The following FAM47B variants were observed in gnomAD, a reference collection of about 807,000 sequenced individuals.
FAM47B encodes the protein protein FAM47B.
For missense variants in FAM47B, 581 were observed against 550.1 expected (o/e 1.06, Z -0.56); for synonymous variants, 247 against 215.8 (o/e 1.14, Z -1.27).
chrX:34,943,173 G>C lies in FAM47B; in HGVS notation c.342G>C (p.Arg114=). 8.3e-7 allele frequency: 1 copy of C among 1,211,611 alleles called. No homozygotes were observed. The highest frequency in any genetic ancestry group is 1.1e-6 in the Non-Finnish European group (1 of 895,449). ...AGCTCTCGCCAGTACAGCCAGCACG[G>C]AAGGCGTTCGTAGAGGAAGTGGAAG... ...FSELSPVQPA[R]KAFVEEVEAQ... Residue 114 remains arginine (R), a synonymous_variant, in exon 1 of 1, where the codon CGG becomes CGC. Coordinates refer to ENST00000329357, the MANE Select transcript of FAM47B (RefSeq NM_152631.3).
Position 34,943,943 on chromosome X carries a change from C to A in FAM47B, c.1112C>A (p.Thr371Asn), listed in dbSNP as rs1926832759. ...CGTTGTGAGGGCCAGGAGATGACAA[C>A]CGAGGAACTCACCAAGCCTGGTAAA... is the stretch of plus-strand genomic sequence containing the variant. Reference protein sequence around the residue: ...RARCEGQEMTTEELTKPGKYH... With the variant: ...RARCEGQEMTNEELTKPGKYH... Residue 371 changes from threonine (T) to asparagine (N), a missense_variant, in exon 1 of 1, where the codon ACC (threonine) becomes AAC (asparagine). By Grantham distance (65) the Thr-to-Asn change is moderately conservative. Coordinates refer to ENST00000329357, the MANE Select transcript of FAM47B (RefSeq NM_152631.3). 1 of 1,211,223 alleles carries A rather than the reference C, an allele frequency of 8.3e-7. No homozygotes were observed. The highest frequency in any genetic ancestry group is 1.7e-5 in the African/African-American group (1 of 57,541).
Position 34,944,673 on chromosome X carries a change from G to T in FAM47B, c.1842G>T (p.Lys614Asn). Residue 614 changes from lysine to asparagine, a missense_variant, in exon 1 of 1, where the codon AAG (lysine) becomes AAT (asparagine). Transcript: ENST00000329357. ...TCATTGAAAAGCTGTTTGCCAAGAA[G>T]GGATGGACTTACGACTCTGTTAAGA... ...PGVIEKLFAK[K>N]GWTYDSVKTP... 1 of 1,211,508 alleles carries T rather than the reference G, an allele frequency of 8.3e-7. No individual in the cohort carries two copies. The highest frequency in any genetic ancestry group is 1.1e-6 in the Non-Finnish European group (1 of 895,342).
In FAM47B at chrX:34,943,339, G is replaced by A. The variant is rs1309601689; in HGVS notation, c.508G>A (p.Glu170Lys). 3 of 1,208,813 alleles carry A rather than the reference G, an allele frequency of 2.5e-6. No individual in the cohort carries two copies. Reference sequence around the variant, plus strand: ...CGCTTGGGCTCGTTGTGAGGCCCGGGAGAAGACAACCGAGGTACCCACCGA... The same window carrying A: ...CGCTTGGGCTCGTTGTGAGGCCCGGAAGAAGACAACCGAGGTACCCACCGA... ...EDAWARCEAR[E>K]KTTEVPTESG... Residue 170 changes from glutamate to lysine, a missense_variant, in exon 1 of 1, where the codon GAG becomes AAG. Coordinates refer to ENST00000329357, the MANE Select transcript of FAM47B (RefSeq NM_152631.3).
rs781427149 is a variant in FAM47B at position 34,942,808 on chromosome X, G to C, written c.-24G>C. On this transcript the variant is annotated 5_prime_UTR_variant, in exon 1 of 1. Transcript: ENST00000329357. ...GATCTGGAACCTCAGAAGCTGGAGA[G>C]GTGGCACAACAGAGAGGGCCACCAT... 2.7e-5 allele frequency: 31 copies of C among 1,159,363 alleles called. No individual in the cohort carries two copies. Among genetic ancestry groups the C allele is most frequent in the Middle Eastern group, 2.4e-4 (1 of 4,127 alleles).
Position 34,943,555 on chromosome X carries a change from A to G in FAM47B, c.724A>G (p.Thr242Ala). ...CAGTCTCCACCCGGAACCTCCAGAG[A>G]CTCGCGCATCTCATCTCCGCGTGGA... is the stretch of plus-strand genomic sequence containing the variant. ...VSSLHPEPPE[T>A]RASHLRVDPP... The change falls in exon 1 of 1, where the codon ACT (threonine) becomes GCT (alanine). Residue 242 changes from threonine to alanine, a missense_variant. By Grantham distance (58) the Thr-to-Ala change is moderately conservative. Coordinates refer to ENST00000329357, the MANE Select transcript of FAM47B (RefSeq NM_152631.3). 5.8e-6 allele frequency: 7 copies of G among 1,206,899 alleles called. No individual in the cohort carries two copies. Among genetic ancestry groups the G allele is most frequent in the Non-Finnish European group, 7.8e-6 (7 of 894,154 alleles).
In FAM47B at chrX:34,943,369, G is replaced by A. The variant is rs867760695; in HGVS notation, c.538G>A (p.Gly180Ser). 20 of 1,208,789 alleles carry A rather than the reference G, an allele frequency of 1.7e-5. No individual in the cohort carries two copies. The highest frequency in any genetic ancestry group is 2.3e-4 in the Middle Eastern group (1 of 4,366). The change falls in exon 1 of 1, where the codon GGT (glycine) becomes AGT (serine). Residue 180 changes from glycine (G) to serine (S), a missense_variant. By Grantham distance (56) the Gly-to-Ser change is moderately conservative. Transcript: ENST00000329357. ...EKTTEVPTES[G>S]KYPCGESCPR... is the part of the protein sequence containing the mutation. ...GACAACCGAGGTACCCACCGAGTCT[G>A]GTAAATATCCCTGTGGGGAATCCTG...
chrX:34,943,754 G>A lies in FAM47B; in HGVS notation c.923G>A (p.Arg308His), dbSNP rs111279132. The A allele has an allele frequency of 1.0e-3, 1,232 of 1,205,081 alleles. 7 individuals are homozygous for A. The African/African-American group carries it at 0.02, about 19-fold the overall frequency. Residue 308 changes from arginine (R) to histidine (H), a missense_variant, in exon 1 of 1, where the codon CGC becomes CAC. Physicochemically the swap from Arg to His is conservative, Grantham distance 29. Transcript: ENST00000329357. The stretch of plus-strand genomic sequence containing the variant: ...CCTGAGACTGGAGTGTCCCATCTCC[G>A]CCCAGAGCCTTCCAAGACTCAGGTG... Reference protein sequence around the residue: ...EPPETGVSHLRPEPSKTQVSS... With the variant: ...EPPETGVSHLHPEPSKTQVSS...
At position 34,942,825 on chromosome X, in the gene FAM47B, G is replaced by A. The variant is rs766240290; in HGVS notation, c.-7G>A. On this transcript the variant is annotated 5_prime_UTR_variant, in exon 1 of 1. Transcript: ENST00000329357. The stretch of plus-strand genomic sequence containing the variant: ...GCTGGAGAGGTGGCACAACAGAGAG[G>A]GCCACCATGGGGGACCGGAGGCCAC... 97 of 1,183,454 alleles carry A rather than the reference G, an allele frequency of 8.2e-5. 1 individual carries two copies. The highest frequency in any genetic ancestry group is 7.6e-4 in the South Asian group (41 of 53,840).
rs756506886 is a variant in FAM47B at position 34,943,160 on chromosome X, T to C, written c.329T>C (p.Val110Ala). Residue 110 changes from valine (V) to alanine (A), a missense_variant, in exon 1 of 1, where the codon GTA becomes GCA. Physicochemically the swap from Val to Ala is moderately conservative, Grantham distance 64. Transcript: ENST00000329357. ...KAALFSELSP[V>A]QPARKAFVEE... ...GCCCTATTTTCCGAGCTCTCGCCAG[T>C]ACAGCCAGCACGGAAGGCGTTCGTA... 6.2e-5 allele frequency: 75 copies of C among 1,209,560 alleles called. No individual in the cohort carries two copies. The highest frequency in any genetic ancestry group is 1.5e-4 in the East Asian group (5 of 33,725).
Position 34,943,450 on chromosome X carries a change from C to T in FAM47B, c.619C>T (p.Pro207Ser). 1 of 1,210,726 alleles carries T rather than the reference C, an allele frequency of 8.3e-7. No individual in the cohort carries two copies. Among genetic ancestry groups the T allele is most frequent in the Non-Finnish European group, 1.1e-6 (1 of 895,155 alleles). ...TCTCCGTCCTCAGCTTCCCAAGACT[C>T]CGGTGTCCAGTCGCCGCCCAGAGCC... The part of the protein sequence containing the change: ...SRLRPQLPKT[P>S]VSSRRPEPPK... Residue 207 changes from proline (P) to serine (S), a missense_variant, in exon 1 of 1, where the codon CCG (proline) becomes TCG (serine). Physicochemically the swap from Pro to Ser is moderately conservative, Grantham distance 74. Coordinates refer to ENST00000329357, the MANE Select transcript of FAM47B (RefSeq NM_152631.3).
Position 34,944,524 on chromosome X carries a change from G to A in FAM47B, c.1693G>A (p.Glu565Lys), listed in dbSNP as rs201802516. 5.0e-6 allele frequency: 6 copies of A among 1,209,856 alleles called. No individual in the cohort carries two copies. In the African/African-American group the frequency reaches 1.0e-4, roughly 21 times the overall value. Residue 565 changes from glutamate to lysine, a missense_variant, in exon 1 of 1, where the codon GAA becomes AAA. Coordinates refer to ENST00000329357, the MANE Select transcript of FAM47B (RefSeq NM_152631.3). ...PKLGKKLRSD[E>K]PLIDPKPVLE... ...GTTGGGGAAAAAGCTAAGAAGTGAT[G>A]AACCTTTGATTGACCCCAAGCCCGT...
Position 34,943,176 on chromosome X carries a change from G to C in FAM47B, c.345G>C (p.Lys115Asn). ...SELSPVQPAR[K>N]AFVEEVEAQL... ...TCTCGCCAGTACAGCCAGCACGGAA[G>C]GCGTTCGTAGAGGAAGTGGAAGCCC... The change falls in exon 1 of 1, where the codon AAG becomes AAC. Residue 115 changes from lysine (K) to asparagine (N), a missense_variant. Physicochemically the swap from Lys to Asn is moderately conservative, Grantham distance 94. Transcript: ENST00000329357. 1 of 1,211,444 alleles carries C rather than the reference G, an allele frequency of 8.3e-7. No individual in the cohort carries two copies. The highest frequency in any genetic ancestry group is 2.2e-5 in the Admixed American group (1 of 46,011).
Position 34,944,690 on chromosome X carries a change from C to A in FAM47B, c.1859C>A (p.Ser620Tyr). 8.3e-7 allele frequency: 1 copy of A among 1,207,540 alleles called. No homozygotes were observed. Among genetic ancestry groups the A allele is most frequent in the Non-Finnish European group, 1.1e-6 (1 of 893,098 alleles). Residue 620 changes from serine (S) to tyrosine (Y), a missense_variant, in exon 1 of 1, where the codon TCT (serine) becomes TAT (tyrosine). Physicochemically the swap from Ser to Tyr is moderately radical, Grantham distance 144. Coordinates refer to ENST00000329357, the MANE Select transcript of FAM47B (RefSeq NM_152631.3). Reference protein sequence around the residue: ...LFAKKGWTYDSVKTPIQRAVQ... With the variant: ...LFAKKGWTYDYVKTPIQRAVQ... The stretch of plus-strand genomic sequence containing the variant: ...GCCAAGAAGGGATGGACTTACGACT[C>A]TGTTAAGACTCCTATTCAACGTGCA...
rs1207373151 is a variant in FAM47B at position 34,942,812 on chromosome X, G to A, written c.-20G>A. 1 of 1,166,626 alleles carries A rather than the reference G, an allele frequency of 8.6e-7. No individual in the cohort carries two copies. Among genetic ancestry groups the A allele is most frequent in the Non-Finnish European group, 1.1e-6 (1 of 871,641 alleles). On this transcript the variant is annotated 5_prime_UTR_variant, in exon 1 of 1. Transcript: ENST00000329357. ...TGGAACCTCAGAAGCTGGAGAGGTG[G>A]CACAACAGAGAGGGCCACCATGGGG...
rs1294961121 is a variant in FAM47B at position 34,943,168 on chromosome X, G to A, written c.337G>A (p.Ala113Thr). 5 of 1,209,801 alleles carry A rather than the reference G, an allele frequency of 4.1e-6. No individual in the cohort carries two copies. In the Admixed American group the frequency reaches 8.7e-5, roughly 21 times the overall value. The change falls in exon 1 of 1, where the codon GCA becomes ACA. Residue 113 changes from alanine to threonine, a missense_variant. By Grantham distance (58) the Ala-to-Thr change is moderately conservative. Transcript: ENST00000329357. Reference sequence around the variant, plus strand: ...TTCCGAGCTCTCGCCAGTACAGCCAGCACGGAAGGCGTTCGTAGAGGAAGT... The same window carrying A: ...TTCCGAGCTCTCGCCAGTACAGCCAACACGGAAGGCGTTCGTAGAGGAAGT... ...LFSELSPVQP[A>T]RKAFVEEVEA... is the part of the protein sequence containing the mutation.
Position 34,943,520 on chromosome X carries a change from C to A in FAM47B, c.689C>A (p.Thr230Asn). The stretch of plus-strand genomic sequence containing the variant: ...AGTCTCCGCCCAGAGCCTCCCAAGA[C>A]TCGGGTGTCCAGTCTCCACCCGGAA... The part of the protein sequence containing the change: ...VSSLRPEPPK[T>N]RVSSLHPEPP... Residue 230 changes from threonine (T) to asparagine (N), a missense_variant, in exon 1 of 1, where the codon ACT becomes AAT. Coordinates refer to ENST00000329357, the MANE Select transcript of FAM47B (RefSeq NM_152631.3). 8.3e-7 allele frequency: 1 copy of A among 1,210,971 alleles called. No homozygotes were observed. The highest frequency in any genetic ancestry group is 1.8e-5 in the South Asian group (1 of 56,866).
rs558565488 is a variant in FAM47B at position 34,943,061 on chromosome X, T to C, written c.230T>C (p.Leu77Ser). Residue 77 changes from leucine (L) to serine (S), a missense_variant, in exon 1 of 1, where the codon TTA becomes TCA. By Grantham distance (145) the Leu-to-Ser change is moderately radical (BLOSUM62 -2). Coordinates refer to ENST00000329357, the MANE Select transcript of FAM47B (RefSeq NM_152631.3). ...DTLVCRRDEFLLPKISLRGPQ... is the reference protein window; with the variant it reads ...DTLVCRRDEFSLPKISLRGPQ... ...CTTGTTTGTCGCCGTGACGAGTTTTTACTCCCCAAAATATCTCTCAGAGGT... is the reference window on the plus strand; with the variant it reads ...CTTGTTTGTCGCCGTGACGAGTTTTCACTCCCCAAAATATCTCTCAGAGGT... 2 of 1,211,927 alleles carry C rather than the reference T, an allele frequency of 1.7e-6. No individual in the cohort carries two copies. Among genetic ancestry groups the C allele is most frequent in the African/African-American group, 3.5e-5 (2 of 57,841 alleles).
rs1569204282 is a variant in FAM47B at position 34,943,532 on chromosome X, G to T, written c.701G>T (p.Ser234Ile). 1.7e-6 allele frequency: 2 copies of T among 1,206,220 alleles called. No individual in the cohort carries two copies. Among genetic ancestry groups the T allele is most frequent in the African/African-American group, 3.6e-5 (2 of 55,815 alleles). The change falls in exon 1 of 1, where the codon AGT becomes ATT. Residue 234 changes from serine to isoleucine, a missense_variant. Physicochemically the swap from Ser to Ile is moderately radical, Grantham distance 142. Coordinates refer to ENST00000329357, the MANE Select transcript of FAM47B (RefSeq NM_152631.3). Reference sequence around the variant, plus strand: ...GAGCCTCCCAAGACTCGGGTGTCCAGTCTCCACCCGGAACCTCCAGAGACT... The same window carrying T: ...GAGCCTCCCAAGACTCGGGTGTCCATTCTCCACCCGGAACCTCCAGAGACT... ...RPEPPKTRVS[S>I]LHPEPPETRA... is the part of the protein sequence containing the mutation.
At position 34,943,278 on chromosome X, in the gene FAM47B, G is replaced by A. The variant is rs1926806566; in HGVS notation, c.447G>A (p.Val149=). ...KDMPPDLLLQ[V]LKQLDPERKL... is the part of the protein sequence containing the mutation. Reference sequence around the variant, plus strand: ...TGCCTCCAGATCTCCTACTACAGGTGCTGAAACAGCTGGATCCCGAGAGGA... The same window carrying A: ...TGCCTCCAGATCTCCTACTACAGGTACTGAAACAGCTGGATCCCGAGAGGA... Residue 149 remains valine (V), a synonymous_variant, in exon 1 of 1, where the codon GTG becomes GTA. Coordinates refer to ENST00000329357, the MANE Select transcript of FAM47B (RefSeq NM_152631.3). 1.7e-6 allele frequency: 2 copies of A among 1,211,549 alleles called. No individual in the cohort carries two copies. Among genetic ancestry groups the A allele is most frequent in the South Asian group, 1.8e-5 (1 of 56,923 alleles).
Sources: allele counts gnomAD v4.1 joint callset, GRCh38; gene constraint gnomAD v4.1.1; transcripts MANE v1.5; gene names NCBI Gene and HGNC (gene_info 2026-07-23, HGNC 2026-07-21).